The following ITK variants were observed in gnomAD, a reference collection of about 807,000 sequenced individuals.
The protein encoded by ITK is tyrosine-protein kinase ITK/TSK.
Under a neutral mutation model 87.6 loss-of-function variants are expected in ITK, and 45 were observed. The observed-to-expected ratio is 0.51, with a 90% CI of 0.40 to 0.66. ITK has a LOEUF of 0.66. ITK is among the 30% of genes least tolerant of loss of function. ITK has a pLI of 0.00. For synonymous variants in ITK, 303 were observed against 273.6 expected, an observed-to-expected ratio of 1.11 and a Z score of -1.06; for missense variants, 605 against 766.3, an observed-to-expected ratio of 0.79 and a Z score of 2.48.
At chr5:157,233,006 G>T (rs1282365491) in intron 8 of ITK, among the ~76,000 whole-genome samples, 1 of 152,230 alleles carries the variant, frequency 6.6e-6, no homozygotes, top group Admixed American at 6.5e-5. Flanking sequence ...AAGCCATGCA[G>T]TGTGCATAGC....
chr5:157,231,680 T>C (rs1754657314), intron 7 of ITK, among the ~76,000 whole-genome samples: 1 of 152,138 alleles, frequency 6.6e-6, no homozygotes, highest in Admixed American at 6.6e-5. Flanking sequence ...GAGGTTAGGA[T>C]GTGGCTAAAT....
intron 5 of ITK, among the ~76,000 whole-genome samples, chr5:157,221,609 C>A (rs1754415533): frequency 6.6e-6 from 1 of 152,092 alleles, no homozygotes; most frequent in African/African-American, 2.4e-5. Context: ...AATACATGTC[C>A]AGTGTGCCCC....
At chr5:157,219,149 G>A (rs1209635128) in intron 5 of ITK, among the ~76,000 whole-genome samples, 1 of 127,916 alleles carries the variant, frequency 7.8e-6, no homozygotes, top group Non-Finnish European at 1.6e-5. Context: ...TCTTGCTCTT[G>A]TCACCCAGGC....
chr5:157,228,448 A>G, intron 7 of ITK, 87 bp downstream of exon 7: 1 of 804,914 alleles, frequency 1.2e-6, no homozygotes, highest in Admixed American at 1.9e-5. Flanking sequence ...CTGTAAAAAT[A>G]CCAGATGATC....
chr5:157,209,039 A>G (rs750828723), intron 2 of ITK, 46 bp downstream of exon 2: 9 of 1,300,772 alleles, frequency 6.9e-6, no homozygotes, highest in Admixed American at 5.1e-5. Context: ...GACTGTGGTT[A>G]AAATCTTCAG....
intron 1 of ITK, among the ~76,000 whole-genome samples, chr5:157,200,152 A>G (rs963544949): frequency 1.3e-5 from 2 of 152,242 alleles, no homozygotes; most frequent in Admixed American, 1.3e-4. Flanking sequence ...GAAAAAAGAT[A>G]TAAAAGCTGA....
intron 1 of ITK, among the ~76,000 whole-genome samples, chr5:157,190,295 T>A (rs1244557238): frequency 6.6e-6 from 1 of 152,226 alleles, no homozygotes; most frequent in Non-Finnish European, 1.5e-5. Flanking sequence ...TTCATATATT[T>A]TGCCATATCT....
intron 8 of ITK, among the ~76,000 whole-genome samples, chr5:157,233,489 C>CA (rs1754700159): frequency 1.3e-5 from 2 of 151,976 alleles, no homozygotes; most frequent in South Asian, 4.1e-4. Context: ...GTGGGTTCCC[C>CA]AAAAAAACAC....
At chr5:157,228,869 C>A (rs920212728) in intron 7 of ITK, among the ~76,000 whole-genome samples, 16 of 152,130 alleles carry the variant, frequency 1.1e-4, no homozygotes, top group Non-Finnish European at 1.9e-4. Flanking sequence ...CTCTAGTGAT[C>A]CTCCCATTAT....
At chr5:157,226,624 T>A (rs1215028210) in intron 6 of ITK, among the ~76,000 whole-genome samples, 1 of 152,140 alleles carries the variant, frequency 6.6e-6, no homozygotes, top group African/African-American at 2.4e-5. Context: ...TATAAGATGA[T>A]CATCCTGTAT....
rs1253847268 is a variant in ITK at position 157,254,350 on chromosome 5, C to A, written c.*1672C>A. 1 of 224,388 alleles carries A rather than the reference C, an allele frequency of 4.5e-6. No individual in the cohort carries two copies. The highest frequency in any genetic ancestry group is 8.9e-6 in the Non-Finnish European group (1 of 112,698). The allele number at this position is 224,388 out of a possible 1,614,324, so 13.9% of individuals were successfully genotyped here. ...TGACCCTTTAATTCTCACAACCAAC[C>A]AGTCATGTTGCTTGAAGCCATTTAT... On this transcript the variant is annotated 3_prime_UTR_variant, in exon 17 of 17. Transcript: ENST00000422843.
chr5:157,239,972 A>G, intron 9 of ITK, 90 bp from the exon 10 acceptor site: 1 of 1,299,808 alleles, frequency 7.7e-7, no homozygotes, highest in Non-Finnish European at 1.1e-6. Context: ...GTTATAAGAC[A>G]AAGATAATAA....
At chr5:157,200,047 T>C (rs163307) in intron 1 of ITK, among the ~76,000 whole-genome samples, 9,219 of 150,728 alleles carry the variant, frequency 0.061, 432 homozygotes, top group African/African-American at 0.13. Context: ...TACAAGGGTT[T>C]GTTAAAAAAG....
chr5:157,238,287 T>G, intron 9 of ITK, 96 bp downstream of exon 9: 1 of 915,038 alleles, frequency 1.1e-6, no homozygotes, highest in Non-Finnish European at 1.8e-6. Context: ...GTGCAAGAGG[T>G]AGAGGCTCAC....
At chr5:157,184,482 T>C (rs452223) in intron 1 of ITK, among the ~76,000 whole-genome samples, 113,976 of 152,094 alleles carry the variant, frequency 0.75, 43,106 homozygotes, top group African/African-American at 0.86. Flanking sequence ...CTTAGTTGCA[T>C]GTGACTGATA....
intron 7 of ITK, among the ~76,000 whole-genome samples, chr5:157,228,583 T>C (rs1754584271): frequency 1.3e-5 from 2 of 152,132 alleles, no homozygotes; most frequent in South Asian, 4.1e-4. Context: ...AAAAGGAACT[T>C]GGAACATCTT....
intron 4 of ITK, among the ~76,000 whole-genome samples, chr5:157,214,767 T>A (rs1373552825): frequency 6.6e-6 from 1 of 152,180 alleles, no homozygotes; most frequent in Non-Finnish European, 1.5e-5. Flanking sequence ...TACAGTGACA[T>A]CATGTCACAC....
chr5:157,191,772 T>C (rs1023542199), intron 1 of ITK, among the ~76,000 whole-genome samples: 1 of 152,196 alleles, frequency 6.6e-6, no homozygotes. Context: ...GGTGAACTTA[T>C]CTGTTAGCTA....
chr5:157,203,611 CA>C (rs1005452071), intron 1 of ITK, among the ~76,000 whole-genome samples: 6 of 152,184 alleles, frequency 3.9e-5, no homozygotes, highest in African/African-American at 1.2e-4. Context: ...CCCTGTTTAC[CA>C]GTAGCTGCAG....
Sources: gnomAD v4.1 joint callset for allele counts (sites outside exome capture counted in the v4.1 genomes callset) on GRCh38, gnomAD v4.1.1 for gene constraint, MANE v1.5 for transcripts, NCBI Gene and HGNC (gene_info 2026-07-23, HGNC 2026-07-21) for gene names.